PDE1C: variants seen among roughly 807,000 people sequenced by gnomAD.
PDE1C encodes phosphodiesterase 1C.
In PDE1C, 62 loss-of-function variants were observed where a neutral mutation model predicts 93.1. The ratio of observed to expected loss-of-function variants is 0.67; its 90% confidence interval spans 0.54 to 0.82. The LOEUF (loss-of-function observed/expected upper bound fraction) is 0.82, where lower values mean the gene tolerates loss of function less well. Among genes scored for constraint, PDE1C ranks in the 40% least tolerant of loss-of-function variants. The probability of loss-of-function intolerance (pLI) is 0.00; values close to 1 mark genes in which losing one functional copy is unlikely to be tolerated. For missense variants in PDE1C, 742 were observed against 884.6 expected, an observed-to-expected ratio of 0.84 and a Z score of 2.04; for synonymous variants, 325 against 310.1, an observed-to-expected ratio of 1.05 and a Z score of -0.50.
At chr7:32,365,984 T>C (rs1784222864) in intron 1 of PDE1C, among the ~76,000 whole-genome samples, 1 of 152,066 alleles carries the variant, frequency 6.6e-6, no homozygotes, top group South Asian at 2.1e-4. Context: ...TTTCACCAGA[T>C]GCATAGAAAT....
chr7:31,928,649 A>T (rs1429421489), intron 2 of PDE1C, among the ~76,000 whole-genome samples: 4 of 152,158 alleles, frequency 2.6e-5, no homozygotes, highest in Non-Finnish European at 4.4e-5. Context: ...AAAGAAAAGA[A>T]TTTTCAACCC....
chr7:32,288,479 G>A (rs1435701708), intron 1 of PDE1C, among the ~76,000 whole-genome samples: 3 of 152,108 alleles, frequency 2.0e-5, no homozygotes, highest in Admixed American at 6.5e-5. Flanking sequence ...TGTCTTAAAC[G>A]GTTGGCCTCA....
intron 1 of PDE1C, among the ~76,000 whole-genome samples, chr7:32,399,581 C>A: frequency 1.7e-5 from 2 of 117,532 alleles, no homozygotes; most frequent in South Asian, 5.6e-4. Flanking sequence ...CTTCATTTAA[C>A]TTTTTTTTTT....
chr7:31,777,395 C>G (rs62448798), intron 16 of PDE1C, among the ~76,000 whole-genome samples: 6,196 of 152,108 alleles, frequency 0.041, 292 homozygotes, highest in East Asian at 0.19. Flanking sequence ...GTGATGCGAT[C>G]TCGACTCACT....
chr7:31,631,237 T>C, the PDE1C span, among the ~76,000 whole-genome samples: 1 of 152,180 alleles, frequency 6.6e-6, no homozygotes, highest in Non-Finnish European at 1.5e-5. Flanking sequence ...GGCACAATTA[T>C]GCTACCAAAA....
chr7:32,155,205 T>C (rs1801497772), intron 3 of PDE1C, among the ~76,000 whole-genome samples: 1 of 152,170 alleles, frequency 6.6e-6, no homozygotes, highest in South Asian at 2.1e-4. Context: ...TAACTGTGGG[T>C]TCTGGAGCCA....
chr7:32,206,542 G>A (rs1218922392), intron 2 of PDE1C, among the ~76,000 whole-genome samples: 1 of 152,160 alleles, frequency 6.6e-6, no homozygotes, highest in Non-Finnish European at 1.5e-5. Context: ...CCCAATGTCA[G>A]GAGCCACAGT....
intron 1 of PDE1C, among the ~76,000 whole-genome samples, chr7:32,223,192 G>A (rs1229916710): frequency 6.6e-6 from 1 of 152,136 alleles, no homozygotes; most frequent in African/African-American, 2.4e-5. Flanking sequence ...CATTAACTAA[G>A]CTCTCAAATC....
intron 3 of PDE1C, among the ~76,000 whole-genome samples, chr7:32,110,873 ATCTCACATTGAACATAC>A (rs1167512080): frequency 2.0e-5 from 3 of 152,206 alleles, no homozygotes; most frequent in Non-Finnish European, 2.9e-5. Flanking sequence ...CCAGTAAAAT[ATCTCACATTGAACATAC>A]TCTCACATTG....
chr7:32,279,493 T>A (rs930550110), intron 1 of PDE1C, among the ~76,000 whole-genome samples: 6 of 152,158 alleles, frequency 3.9e-5, no homozygotes, highest in Admixed American at 2.0e-4. Context: ...AATGAAAGGA[T>A]CAATGTTTGA....
At chr7:31,952,034 T>A (rs559395486) in intron 2 of PDE1C, among the ~76,000 whole-genome samples, 1 of 152,202 alleles carries the variant, frequency 6.6e-6, no homozygotes, top group South Asian at 2.1e-4. Flanking sequence ...TTACATTACT[T>A]CATAAATCCT....
chr7:32,138,654 G>A (rs1195790313), intron 3 of PDE1C, among the ~76,000 whole-genome samples: 2 of 152,106 alleles, frequency 1.3e-5, no homozygotes, highest in East Asian at 1.9e-4. Context: ...GGGCATTAAT[G>A]AGTAATAAAA....
At chr7:31,930,781 G>A (rs571426670) in intron 2 of PDE1C, among the ~76,000 whole-genome samples, 14 of 148,238 alleles carry the variant, frequency 9.4e-5, no homozygotes, top group Admixed American at 2.0e-4. Context: ...CCTGGGAGGC[G>A]GAGGCTGTAG....
the PDE1C span, chr7:31,655,879 A>T: frequency 2.0e-6 from 2 of 985,466 alleles, no homozygotes; most frequent in African/African-American, 3.5e-5. Flanking sequence ...ATGAAGAGGA[A>T]CACCTGGCTC....
At chr7:31,618,183 C>A in the PDE1C span, among the ~76,000 whole-genome samples, 1 of 152,174 alleles carries the variant, frequency 6.6e-6, no homozygotes, top group Admixed American at 6.5e-5. Context: ...ACCATTTCCC[C>A]AAACTTAAGA....
intron 6 of PDE1C, 109 bp downstream of exon 6, chr7:31,873,183 C>T: frequency 1.5e-6 from 1 of 672,526 alleles, no homozygotes; most frequent in Non-Finnish European, 2.6e-6. Context: ...CCTCAGTCGC[C>T]TGGAGCAGTT....
chr7:31,834,382 T>C (rs1176762761), intron 11 of PDE1C, among the ~76,000 whole-genome samples: 2 of 152,122 alleles, frequency 1.3e-5, no homozygotes, highest in Non-Finnish European at 2.9e-5. Context: ...ACTTGCACCA[T>C]GTGCCTGGAA....
chr7:32,011,527 C>T (rs1787113156), intron 2 of PDE1C, among the ~76,000 whole-genome samples: 1 of 152,132 alleles, frequency 6.6e-6, no homozygotes, highest in South Asian at 2.1e-4. Flanking sequence ...AGGATTTAAA[C>T]AGATATTTGA....
chr7:32,160,573 G>A (rs1447807941), intron 3 of PDE1C, among the ~76,000 whole-genome samples: 1 of 152,176 alleles, frequency 6.6e-6, no homozygotes, highest in Non-Finnish European at 1.5e-5. Context: ...CAGGTGTGGT[G>A]GCTCACGCCT....
Sources: allele counts gnomAD v4.1 joint callset (sites outside exome capture counted in the v4.1 genomes callset), GRCh38; gene constraint gnomAD v4.1.1; transcripts MANE v1.5; gene names NCBI Gene and HGNC (gene_info 2026-07-23, HGNC 2026-07-21).